Variants in ITGBL1 observed in about 807,000 individuals in gnomAD.
The protein encoded by ITGBL1 is integrin subunit beta like 1.
ITGBL1 carries 51 observed loss-of-function variants against 68.5 expected under a neutral mutation model. The observed-to-expected ratio is 0.74, with a 90% CI of 0.59 to 0.94. The LOEUF is 0.94. Among genes scored for constraint, ITGBL1 ranks in the 40% least tolerant of loss-of-function variants. The pLI, the probability that ITGBL1 is intolerant of heterozygous loss-of-function variation, is 0.00. For missense variants in ITGBL1, 649 were observed against 647.4 expected, an observed-to-expected ratio of 1.00 and a Z score of -0.03; for synonymous variants, 209 against 227.3, an observed-to-expected ratio of 0.92 and a Z score of 0.72.
intron 2 of ITGBL1, among the ~76,000 whole-genome samples, chr13:101,504,640 A>T (rs1424928227): frequency 6.6e-6 from 1 of 152,194 alleles, no homozygotes; most frequent in Non-Finnish European, 1.5e-5. Flanking sequence ...ATTTTATGTG[A>T]AAGTATTAAT....
chr13:101,574,514 AGAG>A (rs1320811742), intron 3 of ITGBL1, among the ~76,000 whole-genome samples: 1 of 152,068 alleles, frequency 6.6e-6, no homozygotes, highest in Non-Finnish European at 1.5e-5. Flanking sequence ...TAAAACTCTG[AGAG>A]GAGGGTTATG....
chr13:101,628,565 TG>T (rs2031868920), intron 7 of ITGBL1, among the ~76,000 whole-genome samples: 1 of 151,452 alleles, frequency 6.6e-6, no homozygotes, highest in South Asian at 2.1e-4. Context: ...CCCGAGTAGC[TG>T]GGACTACAGG....
At chr13:101,468,451 G>T (rs1392745213) in intron 2 of ITGBL1, among the ~76,000 whole-genome samples, 1 of 152,102 alleles carries the variant, frequency 6.6e-6, no homozygotes. Flanking sequence ...TAACTTTTAA[G>T]AGATAGTCAA....
At chr13:101,500,127 A>G (rs1038672065) in intron 2 of ITGBL1, among the ~76,000 whole-genome samples, 1 of 152,240 alleles carries the variant, frequency 6.6e-6, no homozygotes, top group Non-Finnish European at 1.5e-5. Context: ...AAGACAGTAA[A>G]TCCAGAATAC....
downstream of ITGBL1, chr13:101,720,694 A>AAAAT (rs1267680041): frequency 6.6e-6 from 1 of 152,056 alleles, no homozygotes; most frequent in East Asian, 1.9e-4. Context: ...ATGTTTTCTG[A>AAAAT]AAATAATTGG....
At chr13:101,605,828 GTA>G (rs2030791839) in intron 7 of ITGBL1, among the ~76,000 whole-genome samples, 1 of 150,064 alleles carries the variant, frequency 6.7e-6, no homozygotes, top group Non-Finnish European at 1.5e-5. Flanking sequence ...GTGCATATGT[GTA>G]TATATATGCA....
chr13:101,499,281 A>T (rs1056188055), intron 2 of ITGBL1, among the ~76,000 whole-genome samples: 2 of 152,218 alleles, frequency 1.3e-5, no homozygotes, highest in Non-Finnish European at 2.9e-5. Context: ...TATCCTAGTT[A>T]TCAAAGACCA....
At chr13:101,701,754 CTG>C in intron 8 of ITGBL1, among the ~76,000 whole-genome samples, 1 of 151,968 alleles carries the variant, frequency 6.6e-6, no homozygotes, top group East Asian at 1.9e-4. Context: ...AAGAAAAACA[CTG>C]TATGATTTCA....
intron 7 of ITGBL1, among the ~76,000 whole-genome samples, chr13:101,687,493 T>A (rs2033781820): frequency 6.6e-6 from 1 of 152,000 alleles, no homozygotes. Context: ...ACTTATAATT[T>A]GTCTATATTT....
intron 2 of ITGBL1, among the ~76,000 whole-genome samples, chr13:101,541,830 A>C (rs1176958197): frequency 6.6e-6 from 1 of 152,100 alleles, no homozygotes; most frequent in African/African-American, 2.4e-5. Flanking sequence ...TAGATTTTCT[A>C]GTATATTTGT....
chr13:101,582,981 A>G (rs1226391089), intron 5 of ITGBL1, among the ~76,000 whole-genome samples: 1 of 152,206 alleles, frequency 6.6e-6, no homozygotes, highest in Non-Finnish European at 1.5e-5. Context: ...CTAACATAAT[A>G]CTAATGACAC....
intron 2 of ITGBL1, among the ~76,000 whole-genome samples, chr13:101,535,291 G>A (rs1305103930): frequency 6.6e-6 from 1 of 152,012 alleles, no homozygotes; most frequent in Non-Finnish European, 1.5e-5. Context: ...ACTAGGAAAA[G>A]TGTACTCTGA....
At chr13:101,552,063 T>TG (rs1296400296) in intron 2 of ITGBL1, among the ~76,000 whole-genome samples, 1 of 152,196 alleles carries the variant, frequency 6.6e-6, no homozygotes, top group African/African-American at 2.4e-5. Flanking sequence ...CCAAGCTCCT[T>TG]GGTTTTAAAT....
chr13:101,690,505 C>T (rs562242099), intron 7 of ITGBL1, among the ~76,000 whole-genome samples: 18 of 152,212 alleles, frequency 1.2e-4, no homozygotes, highest in Non-Finnish European at 2.4e-4. Flanking sequence ...CATGGCTTCC[C>T]ACATCTGTGT....
intron 2 of ITGBL1, 50 bp from the exon 3 acceptor site, chr13:101,567,649 T>A (rs1375748397): frequency 6.3e-7 from 1 of 1,575,860 alleles, no homozygotes; most frequent in Non-Finnish European, 8.7e-7. Flanking sequence ...ACAGTAGTGG[T>A]TATCTTTGGA....
At chr13:101,528,287 G>T (rs2049414247) in intron 2 of ITGBL1, among the ~76,000 whole-genome samples, 1 of 146,760 alleles carries the variant, frequency 6.8e-6, no homozygotes, top group East Asian at 2.0e-4. Flanking sequence ...TTGTCTTATT[G>T]CCTTTATAAT....
chr13:101,456,302 G>A (rs1024431760), intron 2 of ITGBL1, among the ~76,000 whole-genome samples: 3 of 152,140 alleles, frequency 2.0e-5, no homozygotes, highest in South Asian at 2.1e-4. Flanking sequence ...ATCTGTCCCC[G>A]CAAATGCCCT....
chr13:101,667,538 A>C (rs938233724), intron 7 of ITGBL1, among the ~76,000 whole-genome samples: 3 of 152,122 alleles, frequency 2.0e-5, no homozygotes, highest in Admixed American at 2.0e-4. Context: ...TGCTAGAGAA[A>C]CTGCTTTACC....
At chr13:101,649,751 T>G (rs558081212) in intron 7 of ITGBL1, among the ~76,000 whole-genome samples, 1 of 152,318 alleles carries the variant, frequency 6.6e-6, no homozygotes, top group Admixed American at 6.5e-5. Context: ...CCACACTACC[T>G]TCAAGGTAAT....
Sources: allele counts gnomAD v4.1 joint callset (sites outside exome capture counted in the v4.1 genomes callset), GRCh38; gene constraint gnomAD v4.1.1; transcripts MANE v1.5; gene names NCBI Gene and HGNC (gene_info 2026-07-23, HGNC 2026-07-21).